ANO4: variants seen among roughly 807,000 people sequenced by gnomAD.
ANO4 encodes anoctamin 4, also known as anoctamin-4.
Under a neutral mutation model 141.9 loss-of-function variants are expected in ANO4, and 69 were observed. The observed-to-expected ratio is 0.49, with a 90% CI of 0.40 to 0.59. The LOEUF (loss-of-function observed/expected upper bound fraction) is 0.59. Among genes scored for constraint, ANO4 ranks in the 20% least tolerant of loss-of-function variants. The pLI is 0.00. For missense variants in ANO4, 894 were observed against 1,162.2 expected, an observed-to-expected ratio of 0.77 and a Z score of 3.36; for synonymous variants, 350 against 394.3, an observed-to-expected ratio of 0.89 and a Z score of 1.33.
chr12:100,849,721 A>G (rs1407129368), intron 1 of ANO4, among the ~76,000 whole-genome samples: 4 of 152,178 alleles, frequency 2.6e-5, no homozygotes, highest in East Asian at 1.9e-4. Flanking sequence ...CATTTTGCGC[A>G]TGCACATGTA....
chr12:101,006,699 A>G (rs931636055), intron 8 of ANO4, among the ~76,000 whole-genome samples: 16 of 152,230 alleles, frequency 1.1e-4, no homozygotes, highest in African/African-American at 3.4e-4. Flanking sequence ...AGCAACTTGC[A>G]GGAGAGTAAT....
In ANO4 at chr12:100,917,369, A is replaced by G. The variant is rs538154171; in HGVS notation, c.56-4857A>G. 9.2e-4 allele frequency among the ~76,000 whole-genome samples: 140 copies of G among 152,322 alleles called. 2 individuals carry two copies. Among genetic ancestry groups the G allele is most frequent in the African/African-American group, 3.3e-3 (136 of 41,572 alleles). ...CTATAGTATCTTTACCATCTTGCCT[A>G]GTTTTTCAAGTCTTTGTGTTCTGAT... On this transcript the variant is annotated intron_variant, in intron 2 of 27. Coordinates refer to ENST00000392977, the MANE Select transcript of ANO4 (RefSeq NM_001286615.2).
chr12:100,922,704 G>A (rs1227566161), intron 3 of ANO4, among the ~76,000 whole-genome samples: 1 of 152,082 alleles, frequency 6.6e-6, no homozygotes, highest in Non-Finnish European at 1.5e-5. Flanking sequence ...TCAAATGGAA[G>A]TAATAAGAGG....
chr12:101,007,668 T>C (rs764235490), intron 8 of ANO4, among the ~76,000 whole-genome samples: 1 of 152,302 alleles, frequency 6.6e-6, no homozygotes, highest in South Asian at 2.1e-4. Flanking sequence ...CAATAAGATA[T>C]AACCTAGCTA....
chr12:100,769,270 A>G (rs78540810), intron 3 of ANO4, among the ~76,000 whole-genome samples: 4,765 of 152,326 alleles, frequency 0.031, 247 homozygotes, highest in African/African-American at 0.11. Context: ...ATATAAAGGA[A>G]AGATGCTAGT....
chr12:100,777,269 CTTTTT>C (rs71091463), intron 3 of ANO4, among the ~76,000 whole-genome samples: 2 of 50,616 alleles, frequency 4.0e-5, no homozygotes, highest in East Asian at 6.2e-4. Context: ...ATTTTTGTAT[CTTTTT>C]TTTTTTTTTT....
chr12:100,833,800 T>G (rs564599331), intron 1 of ANO4, among the ~76,000 whole-genome samples: 1 of 152,240 alleles, frequency 6.6e-6, no homozygotes, highest in African/African-American at 2.4e-5. Flanking sequence ...GATGATCCTG[T>G]TCATTATTCA....
In ANO4 at chr12:101,126,409, T is replaced by C. The variant is rs540285059; in HGVS notation, c.2677-470T>C. ...GAAATGATCATTTCCCTAGGCCCAC[T>C]GATAATTCTTATAACCAAGATTTGT... is the stretch of plus-strand genomic sequence containing the variant. On this transcript the variant is annotated intron_variant, in intron 26 of 27. Transcript: ENST00000392977. 9.2e-5 allele frequency among the ~76,000 whole-genome samples: 14 copies of C among 152,332 alleles called. No homozygotes were observed. In the South Asian group the frequency reaches 2.7e-3, roughly 29 times the overall value.
intron 5 of ANO4, among the ~76,000 whole-genome samples, chr12:100,957,865 C>T (rs2043234858): frequency 6.6e-6 from 1 of 152,164 alleles, no homozygotes; most frequent in African/African-American, 2.4e-5. Flanking sequence ...TAAACTAAGA[C>T]ATCATTTTTA....
At chr12:100,899,725 G>A (rs2040501950) in intron 1 of ANO4, among the ~76,000 whole-genome samples, 1 of 152,124 alleles carries the variant, frequency 6.6e-6, no homozygotes, top group Admixed American at 6.5e-5. Context: ...TGATTTTGCA[G>A]TTTACCTCTT....
intron 14 of ANO4, among the ~76,000 whole-genome samples, chr12:101,066,102 G>A (rs951490384): frequency 6.6e-6 from 1 of 152,138 alleles, no homozygotes; most frequent in African/African-American, 2.4e-5. Flanking sequence ...GGGTGTAGAA[G>A]GAGAATACTT....
At chr12:101,063,772 T>TTTTTTTTTTTTC (rs2048454872) in intron 14 of ANO4, among the ~76,000 whole-genome samples, 1 of 140,806 alleles carries the variant, frequency 7.1e-6, no homozygotes, top group Non-Finnish European at 1.5e-5. Flanking sequence ...TTTTTTTTTT[T>TTTTTTTTTTTTC]TTTTTTGCCT....
At chr12:100,731,290 G>A (rs1044655548) in intron 1 of ANO4, among the ~76,000 whole-genome samples, 4 of 152,128 alleles carry the variant, frequency 2.6e-5, no homozygotes, top group Non-Finnish European at 5.9e-5. Flanking sequence ...CTTGTAACCT[G>A]TAGTGGTTTA....
intron 5 of ANO4, among the ~76,000 whole-genome samples, chr12:100,955,017 T>C (rs566859603): frequency 6.6e-6 from 1 of 152,248 alleles, no homozygotes; most frequent in South Asian, 2.1e-4. Context: ...CACAGAGGAA[T>C]TAAAGAAGGT....
At chr12:100,895,602 C>T (rs537255802) in intron 1 of ANO4, among the ~76,000 whole-genome samples, 30 of 140,830 alleles carry the variant, frequency 2.1e-4, no homozygotes, top group African/African-American at 8.4e-4. Context: ...CTCTTTGTTG[C>T]CCAGGCTGGA....
At chr12:100,975,032 T>A in intron 7 of ANO4, 143 bp downstream of exon 7, 4 of 796,114 alleles carry the variant, frequency 5.0e-6, no homozygotes, top group South Asian at 1.4e-5. Flanking sequence ...AAATCAGCTG[T>A]GTCTGATTAG....
At chr12:101,039,223 G>C (rs1238000413) in intron 10 of ANO4, 2 of 152,164 alleles carry the variant, frequency 1.3e-5, no homozygotes, top group African/African-American at 2.4e-5. Flanking sequence ...TGGGAAGAGA[G>C]GCCAGGCACA....
chr12:101,050,351 G>A (rs1038110216), intron 14 of ANO4, among the ~76,000 whole-genome samples: 1 of 152,144 alleles, frequency 6.6e-6, no homozygotes, highest in Non-Finnish European at 1.5e-5. Context: ...TAGGATTCCT[G>A]CCTCCCTTGG....
chr12:100,753,059 A>C (rs2032455004), intron 3 of ANO4, among the ~76,000 whole-genome samples: 1 of 152,174 alleles, frequency 6.6e-6, no homozygotes, highest in Non-Finnish European at 1.5e-5. Context: ...TCCAGTAGGC[A>C]CAGGAATGTG....
Sources: gnomAD v4.1 joint callset for allele counts (sites outside exome capture counted in the v4.1 genomes callset) on GRCh38, gnomAD v4.1.1 for gene constraint, MANE v1.5 for transcripts, NCBI Gene and HGNC (gene_info 2026-07-23, HGNC 2026-07-21) for gene names.